Variants in KIF13A observed in about 807,000 individuals in gnomAD.
The protein encoded by KIF13A is kinesin-like protein KIF13A.
KIF13A carries 79 observed loss-of-function variants against 212.2 expected under a neutral mutation model. The observed-to-expected ratio is 0.37, with a 90% CI of 0.31 to 0.45. The LOEUF (loss-of-function observed/expected upper bound fraction) is 0.45, where lower values mean the gene tolerates loss of function less well. Ranked by LOEUF, KIF13A falls within the 20% of genes least tolerant of loss-of-function variation. KIF13A has a pLI of 1.00. For synonymous variants in KIF13A, 789 were observed against 808.6 expected (o/e 0.98, Z 0.41); for missense variants, 1,901 against 2,209.0 (o/e 0.86, Z 2.79).
Position 17,785,510 on chromosome 6 carries a change from C to T in KIF13A, c.3488+5G>A, listed in dbSNP as rs1407275394. The T allele has an allele frequency of 1.3e-6, 2 of 1,562,304 alleles. No homozygotes were observed. Among genetic ancestry groups the T allele is most frequent in the African/African-American group, 1.4e-5 (1 of 73,580 alleles). On this transcript the variant is annotated splice_donor_5th_base_variant and intron_variant, in intron 28 of 38. Coordinates refer to ENST00000259711, the MANE Select transcript of KIF13A (RefSeq NM_022113.6). This position sits in a 1 kb window ranked among gnomAD's most constrained non-coding sequence, Gnocchi z 5.8. ...AGGTCTGCACAGAAGGGAGGGCAGC[C>T]TTACCAGTCGGCAGGTGCCCCAGGA...
At chr6:17,910,137 G>A (rs975661165) in intron 2 of KIF13A, among the ~76,000 whole-genome samples, 5 of 152,154 alleles carry the variant, frequency 3.3e-5, no homozygotes, top group Non-Finnish European at 7.3e-5. Flanking sequence ...TGACAAAATG[G>A]ACATAGGAAT....
Position 17,951,120 on chromosome 6 carries a change from A to G in KIF13A, c.146+35934T>C, listed in dbSNP as rs1032743285. On this transcript the variant is annotated intron_variant, in intron 2 of 38. Transcript: ENST00000259711. This position sits in a 1 kb window ranked among gnomAD's most constrained non-coding sequence, Gnocchi z 4.9. ...CTTTGCCAACCATCCATTTATTCAT[A>G]TGTGGGGTCTGATGCAATTCACCTC... 9.3e-6 allele frequency: 11 copies of G among 1,182,176 alleles called. No individual in the cohort carries two copies. Among genetic ancestry groups the G allele is most frequent in the Non-Finnish European group, 1.1e-5 (11 of 957,148 alleles). 73.2% of individuals were successfully genotyped at this position (1,182,176 alleles called of 1,614,324 possible).
chr6:17,917,530 T>C (rs1326068109), intron 2 of KIF13A, among the ~76,000 whole-genome samples: 1 of 152,148 alleles, frequency 6.6e-6, no homozygotes, highest in Non-Finnish European at 1.5e-5. Context: ...CGTGAGCCAC[T>C]GCACCTGGCC....
chr6:17,930,955 A>G (rs1426943758), intron 2 of KIF13A, among the ~76,000 whole-genome samples: 1 of 152,240 alleles, frequency 6.6e-6, no homozygotes, highest in Non-Finnish European at 1.5e-5. Flanking sequence ...ACTAATCAAC[A>G]TCCGGCAGGT....
intron 3 of KIF13A, chr6:17,881,497 C>T (rs948316292): frequency 2.3e-6 from 1 of 429,698 alleles, no homozygotes; most frequent in Admixed American, 2.8e-5. Flanking sequence ...GAGATCGAGA[C>T]CATCCTGGCC....
At chr6:17,858,669 T>C (rs1392273029) in intron 4 of KIF13A, among the ~76,000 whole-genome samples, 1 of 152,204 alleles carries the variant, frequency 6.6e-6, no homozygotes, top group East Asian at 1.9e-4. Context: ...CCAGGCTTAT[T>C]AGGATTGCTT....
intron 2 of KIF13A, among the ~76,000 whole-genome samples, chr6:17,943,954 CTT>C (rs1307044704): frequency 6.6e-6 from 1 of 152,256 alleles, no homozygotes; most frequent in Non-Finnish European, 1.5e-5. Flanking sequence ...ATGCTTATAA[CTT>C]TTCTGCATCT....
At position 17,780,931 on chromosome 6, in the gene KIF13A, G is replaced by A. The variant is rs1192293916; in HGVS notation, c.3670-25C>T. The A allele has an allele frequency of 6.2e-6, 10 of 1,602,206 alleles. No homozygotes were observed. In the East Asian group the frequency reaches 1.1e-4, roughly 18 times the overall value. Reference sequence around the variant, plus strand: ...CCTAGGAGTTGGGGAATGATGAGGAGATGGAAACAAGACAAAAGTCAGATG... The same window carrying A: ...CCTAGGAGTTGGGGAATGATGAGGAAATGGAAACAAGACAAAAGTCAGATG... On this transcript the variant is annotated intron_variant, in intron 30 of 38. Transcript: ENST00000259711.
rs200845112 is a variant in KIF13A at position 17,866,878 on chromosome 6, T to TAC, written c.220+6497_220+6498dup. 5.7e-5 allele frequency among the ~76,000 whole-genome samples: 7 copies of TAC among 121,898 alleles called. No homozygotes were observed. The East Asian group carries it at 9.6e-4, about 17-fold the overall frequency. The allele number at this position is 121,898 out of a possible 152,430, so 80.0% of individuals were successfully genotyped here. A position where few individuals can be genotyped will look rare whatever the true frequency, so the allele number is the denominator to read the frequency against. On this transcript the variant is annotated intron_variant, in intron 4 of 38. Transcript: ENST00000259711. Reference sequence around the variant, plus strand: ...ATATATATATATATATATATATATTTACACACACACATATATATACACTTA... The same window carrying TAC: ...ATATATATATATATATATATATATTTACACACACACACATATATATACACTTA...
chr6:17,977,704 A>G (rs1382228921), intron 2 of KIF13A, among the ~76,000 whole-genome samples: 2 of 152,232 alleles, frequency 1.3e-5, no homozygotes, highest in African/African-American at 4.8e-5. Flanking sequence ...ATTTGTTTTT[A>G]ATTTTTTTAA....
At chr6:17,975,400 T>C (rs747088499) in intron 2 of KIF13A, among the ~76,000 whole-genome samples, 7 of 152,152 alleles carry the variant, frequency 4.6e-5, no homozygotes, top group Non-Finnish European at 8.8e-5. Context: ...AGTTGGCGCG[T>C]CTGGAGTTTT....
In KIF13A at chr6:17,900,335, T is replaced by C. The variant is rs1009107651; in HGVS notation, c.147-2155A>G. The stretch of plus-strand genomic sequence containing the variant: ...ACCTTCTTAGCTGTCAATAACAAAA[T>C]TATCCTTTCTTCATTGACATTCCAA... On this transcript the variant is annotated intron_variant, in intron 2 of 38. Transcript: ENST00000259711. The surrounding 1 kb of genome is among the most constrained non-coding windows in gnomAD (Gnocchi z 4.6). 2.0e-5 allele frequency among the ~76,000 whole-genome samples: 3 copies of C among 152,328 alleles called. No individual in the cohort carries two copies. The highest frequency in any genetic ancestry group is 3.9e-4 in the East Asian group (2 of 5,184).
At chr6:17,815,720 T>C in intron 17 of KIF13A, 2 of 281,782 alleles carry the variant, frequency 7.1e-6, no homozygotes, top group South Asian at 6.7e-5. Context: ...TATAATCATA[T>C]CTATAATCTA....
chr6:17,772,036 C>T lies in KIF13A; in HGVS notation c.4348G>A (p.Ala1450Thr). 4 of 1,613,850 alleles carry T rather than the reference C, an allele frequency of 2.5e-6. No individual in the cohort carries two copies. The highest frequency in any genetic ancestry group is 3.4e-6 in the Non-Finnish European group (4 of 1,179,814). Residue 1450 changes from alanine (A) to threonine (T), a missense_variant, in exon 37 of 39, where the codon GCC (alanine) becomes ACC (threonine). Ala to Thr is a moderately conservative substitution (Grantham distance 58). Around this residue, in one of 5 missense-constraint regions of KIF13A, gnomAD observed 687 missense variants for 759.1 expected, o/e 0.90. Coordinates refer to ENST00000259711, the MANE Select transcript of KIF13A (RefSeq NM_022113.6). The surrounding 1 kb of genome is among the most constrained non-coding windows in gnomAD (Gnocchi z 4.8). ...KEGCTSETPH[A>T]LTVSPFKAFS... ...GCTTTAAAAGGGCTGACGGTTAAGG[C>T]ATGAGGAGTCTCTGATGTACAACCT...
chr6:17,938,144 C>G (rs1243942276), intron 2 of KIF13A, among the ~76,000 whole-genome samples: 2 of 152,176 alleles, frequency 1.3e-5, no homozygotes, highest in African/African-American at 2.4e-5. Flanking sequence ...ATCTTCTCAC[C>G]TAGGCCTCCC....
Position 17,839,200 on chromosome 6 carries a change from G to A in KIF13A, c.831-1617C>T, listed in dbSNP as rs1352132159. Among the ~76,000 whole-genome samples, 1 of 152,154 alleles carries A rather than the reference G, an allele frequency of 6.6e-6. No homozygotes were observed. The highest frequency in any genetic ancestry group is 2.4e-5 in the African/African-American group (1 of 41,442). On this transcript the variant is annotated intron_variant, in intron 9 of 38. Coordinates refer to ENST00000259711, the MANE Select transcript of KIF13A (RefSeq NM_022113.6). The surrounding 1 kb of genome is among the most constrained non-coding windows in gnomAD (Gnocchi z 4.3). ...CCTTAAAAGCCCCGACTTGACCACT[G>A]CACAATCTGTGCCTGTAACAAAATT...
chr6:17,779,220 A>G (rs1254629346), intron 32 of KIF13A, 121 bp from the exon 33 acceptor site: 3 of 543,050 alleles, frequency 5.5e-6, no homozygotes, highest in Non-Finnish European at 9.5e-6. Flanking sequence ...TTAGATACTG[A>G]TATTTTTTAA....
chr6:17,807,848 T>C (rs1318057762), intron 18 of KIF13A, among the ~76,000 whole-genome samples: 1 of 152,200 alleles, frequency 6.6e-6, no homozygotes, highest in Non-Finnish European at 1.5e-5. Context: ...TTCTCTTTAT[T>C]TCTCAGCTGG....
rs778428118 is a variant in KIF13A at position 17,826,165 on chromosome 6, A to C, written c.1533-41T>G. On this transcript the variant is annotated intron_variant, in intron 14 of 38. Transcript: ENST00000259711. This position sits in a 1 kb window ranked among gnomAD's most constrained non-coding sequence, Gnocchi z 4.7. The stretch of plus-strand genomic sequence containing the variant: ...GGAAAATACCAGGTAAATGGGAAGG[A>C]GCACAAGACCTTGTCCTGGTAGCCA... 6 of 1,490,848 alleles carry C rather than the reference A, an allele frequency of 4.0e-6. No homozygotes were observed. The highest frequency in any genetic ancestry group is 5.6e-6 in the Non-Finnish European group (6 of 1,070,512). The allele number at this position is 1,490,848 out of a possible 1,614,324, so 92.4% of individuals were successfully genotyped here.
Sources: gnomAD v4.1 joint callset for allele counts (sites outside exome capture counted in the v4.1 genomes callset) on GRCh38, gnomAD v4.1.1 for gene constraint, gnomAD v4.1.1 regional missense constraint, Gnocchi (gnomAD v3.1) non-coding constraint, MANE v1.5 for transcripts, NCBI Gene and HGNC (gene_info 2026-07-23, HGNC 2026-07-21) for gene names.